Variants in INTS2 observed in about 807,000 individuals in gnomAD.
The protein encoded by INTS2 is KIAA1287.
INTS2 carries 57 observed loss-of-function variants against 139.6 expected under a neutral mutation model. The ratio of observed to expected loss-of-function variants is 0.41; its 90% CI spans 0.33 to 0.51. The LOEUF is 0.51. INTS2 is among the 20% of genes least tolerant of loss of function. The probability of loss-of-function intolerance (pLI) is 0.28; values close to 1 mark genes in which losing one functional copy is unlikely to be tolerated. For synonymous variants in INTS2, 473 were observed against 493.4 expected (o/e 0.96, Z 0.55); for missense variants, 1,196 against 1,436.7 (o/e 0.83, Z 2.71).
intron 5 of INTS2, among the ~76,000 whole-genome samples, chr17:61,913,378 T>TA: frequency 7.4e-6 from 1 of 136,018 alleles, no homozygotes; most frequent in East Asian, 2.1e-4. Flanking sequence ...CAGAAGAAAT[T>TA]AAAGAAAAAA....
chr17:61,914,481 C>T (rs192449660), intron 5 of INTS2, among the ~76,000 whole-genome samples: 2 of 152,212 alleles, frequency 1.3e-5, no homozygotes, highest in Admixed American at 6.5e-5. Flanking sequence ...GGGCGCATCA[C>T]GAGGTCAGGA....
chr17:61,921,127 T>C (rs2079636851), intron 4 of INTS2: 1 of 152,186 alleles, frequency 6.6e-6, no homozygotes, highest in Non-Finnish European at 1.5e-5. Flanking sequence ...ACACCTATTA[T>C]ATACAATCTG....
At position 61,893,774 on chromosome 17, in the gene INTS2, C is replaced by T. The variant is rs774539862; in HGVS notation, c.1689G>A (p.Val563=). 1.7e-5 allele frequency: 27 copies of T among 1,583,580 alleles called. No homozygotes were observed. The highest frequency in any genetic ancestry group is 1.5e-5 in the Non-Finnish European group (18 of 1,163,340). ...ATTTGTAGGGGCATACTTTTATTGA[C>T]ACTTTGTGCTTGGTAAAGGAACGGC... The part of the protein sequence containing the change: ...LRSRSFTKHK[V]SIKDWIYRQL... Residue 563 remains valine, a synonymous_variant, in exon 13 of 25, where the codon GTG becomes GTA. Coordinates refer to ENST00000251334, the MANE Select transcript of INTS2 (RefSeq NM_001351695.2). This position sits in a 1 kb window ranked among gnomAD's most constrained non-coding sequence, Gnocchi z 5.4.
chr17:61,927,587 A>G, intron 1 of INTS2, 67 bp downstream of exon 1: 1 of 1,189,096 alleles, frequency 8.4e-7, no homozygotes, highest in Admixed American at 3.8e-5. Context: ...CAGGCTGAGC[A>G]AAGTCTGGCC....
Position 61,866,789 on chromosome 17 carries a change from A to G in INTS2, c.*768T>C, listed in dbSNP as rs886741129. The G allele has an allele frequency of 1.3e-5, 2 of 152,224 alleles. No homozygotes were observed. The highest frequency in any genetic ancestry group is 4.8e-5 in the African/African-American group (2 of 41,458). 9.4% of individuals were successfully genotyped at this position (152,224 alleles called of 1,614,324 possible). A position where few individuals can be genotyped will look rare whatever the true frequency, so the allele number is the denominator to read the frequency against. On this transcript the variant is annotated 3_prime_UTR_variant, in exon 25 of 25. Transcript: ENST00000251334. ...AAATAAATTTAAAACATAAAACTAAATGAGATCTCTCAGGTTCTTCTTTGA... is the reference window on the plus strand; with the variant it reads ...AAATAAATTTAAAACATAAAACTAAGTGAGATCTCTCAGGTTCTTCTTTGA...
intron 9 of INTS2, 111 bp downstream of exon 9, chr17:61,904,349 G>C (rs2079438992): frequency 1.3e-6 from 1 of 746,864 alleles, no homozygotes; most frequent in African/African-American, 1.8e-5. Flanking sequence ...AACTACGACT[G>C]TCCATACCTA....
In INTS2 at chr17:61,893,639, G is replaced by T; in HGVS notation, c.1698+126C>A. On this transcript the variant is annotated intron_variant, in intron 13 of 24. Transcript: ENST00000251334. This position sits in a 1 kb window ranked among gnomAD's most constrained non-coding sequence, Gnocchi z 5.4. ...TAACCCAGGAGGCAGAGGTTACAGT[G>T]AGCCAAGACTGCACCACTGCACTCC... 1.8e-6 allele frequency: 1 copy of T among 570,068 alleles called. No homozygotes were observed. Among genetic ancestry groups the T allele is most frequent in the Non-Finnish European group, 2.6e-6 (1 of 384,314 alleles). 35.3% of individuals were successfully genotyped at this position (570,068 alleles called of 1,614,324 possible).
intron 3 of INTS2, among the ~76,000 whole-genome samples, chr17:61,924,223 T>A (rs2079683824): frequency 6.6e-6 from 1 of 152,218 alleles, no homozygotes; most frequent in Non-Finnish European, 1.5e-5. Context: ...ATGAATCACA[T>A]ACATTTTTCA....
At chr17:61,899,493 T>C (rs1234911181) in intron 9 of INTS2, among the ~76,000 whole-genome samples, 1 of 151,984 alleles carries the variant, frequency 6.6e-6, no homozygotes, top group Non-Finnish European at 1.5e-5. Flanking sequence ...CTTTAGGTGA[T>C]CCACCCACCT....
chr17:61,884,795 A>G (rs767113080), intron 16 of INTS2, 106 bp downstream of exon 16: 16 of 733,182 alleles, frequency 2.2e-5, no homozygotes, highest in Non-Finnish European at 3.7e-5. Flanking sequence ...TCACTCTTGA[A>G]CTGTTTGAAT....
chr17:61,899,093 A>C (rs971782721), intron 9 of INTS2, among the ~76,000 whole-genome samples: 1 of 152,224 alleles, frequency 6.6e-6, no homozygotes, highest in South Asian at 2.1e-4. Context: ...AAACCATATA[A>C]CAAATAATAA....
At chr17:61,880,685 G>A (rs369167868) in intron 17 of INTS2, among the ~76,000 whole-genome samples, 1 of 151,918 alleles carries the variant, frequency 6.6e-6, no homozygotes, top group African/African-American at 2.4e-5. Flanking sequence ...CCAGCAGGTG[G>A]AGGCTGCAGT....
In INTS2 at chr17:61,909,059, G is replaced by A. The variant is rs1036204734; in HGVS notation, c.955-1425C>T. Among the ~76,000 whole-genome samples the A allele has an allele frequency of 1.3e-5, 2 of 152,096 alleles. No homozygotes were observed. Among genetic ancestry groups the A allele is most frequent in the Non-Finnish European group, 2.9e-5 (2 of 68,026 alleles). On this transcript the variant is annotated intron_variant, in intron 7 of 24. Transcript: ENST00000251334. This position sits in a 1 kb window ranked among gnomAD's most constrained non-coding sequence, Gnocchi z 4.9. ...TTAAAAACTGTTGCAAAATACATAT[G>A]CATAAGCAGGTGAACGTATAAAATA...
In INTS2 at chr17:61,911,565, C is replaced by T. The variant is rs972704297; in HGVS notation, c.909G>A (p.Ala303=). Residue 303 remains alanine (A), a synonymous_variant, in exon 7 of 25, where the codon GCG becomes GCA. Transcript: ENST00000251334. ...AAGTTCCAAACCAAGTCCGGACTTT[C>T]GCATTTGTTCCAAGAAGCAAACCAC... ...FVSGLLLGTN[A]KVRTWFGTFI... 9.9e-6 allele frequency: 16 copies of T among 1,613,866 alleles called. No homozygotes were observed. Among genetic ancestry groups the T allele is most frequent in the African/African-American group, 4.0e-5 (3 of 74,926 alleles).
At chr17:61,925,867 A>C (rs2079706495) in intron 2 of INTS2, among the ~76,000 whole-genome samples, 1 of 151,734 alleles carries the variant, frequency 6.6e-6, no homozygotes, top group Non-Finnish European at 1.5e-5. Context: ...TCTACTAAAA[A>C]TACAAAAAAT....
At position 61,911,968 on chromosome 17, in the gene INTS2, G is replaced by C; in HGVS notation, c.752C>G (p.Ser251Cys). 6.2e-7 allele frequency: 1 copy of C among 1,613,222 alleles called. No individual in the cohort carries two copies. The highest frequency in any genetic ancestry group is 8.5e-7 in the Non-Finnish European group (1 of 1,179,350). Residue 251 changes from serine (S) to cysteine (C), a missense_variant, in exon 6 of 25, where the codon TCT becomes TGT. Coordinates refer to ENST00000251334, the MANE Select transcript of INTS2 (RefSeq NM_001351695.2). Reference sequence around the variant, plus strand: ...CATGCCTCGGACCTTGAGGGCCTGAGAAGGATTCATTTTACACAAGAAGCG... The same window carrying C: ...CATGCCTCGGACCTTGAGGGCCTGACAAGGATTCATTTTACACAAGAAGCG... ...ALRFLCKMNP[S>C]QALKVRGMVV...
In INTS2 at chr17:61,882,708, G is replaced by A. The variant is rs755978300; in HGVS notation, c.2090-1537C>T. Among the ~76,000 whole-genome samples, 17 of 152,158 alleles carry A rather than the reference G, an allele frequency of 1.1e-4. No individual in the cohort carries two copies. The highest frequency in any genetic ancestry group is 2.4e-4 in the Non-Finnish European group (16 of 68,030). ...CATGCCATTGCACTCCAGCCTGGGT[G>A]ACAGAGCAAGATGCTGTCTCAAAAA... On this transcript the variant is annotated intron_variant, in intron 16 of 24. Coordinates refer to ENST00000251334, the MANE Select transcript of INTS2 (RefSeq NM_001351695.2). The surrounding 1 kb of genome is among the most constrained non-coding windows in gnomAD (Gnocchi z 4.7).
chr17:61,907,478 C>T lies in INTS2; in HGVS notation c.1111G>A (p.Glu371Lys). ...GCACTGGCTTTCACAACATGCTCTT[C>T]TTTCAGCCCCGAATACACAGACACA... ...PNVSVYSGLK[E>K]EHVVKASALL... The change falls in exon 8 of 25, where the codon GAA becomes AAA. Residue 371 changes from glutamate (E) to lysine (K), a missense_variant. Glu to Lys is a moderately conservative substitution (Grantham distance 56, BLOSUM62 1). Transcript: ENST00000251334. 2 of 1,603,256 alleles carry T rather than the reference C, an allele frequency of 1.2e-6. No homozygotes were observed. The highest frequency in any genetic ancestry group is 1.7e-6 in the Non-Finnish European group (2 of 1,175,154).
intron 15 of INTS2, among the ~76,000 whole-genome samples, chr17:61,889,353 C>T (rs1028658146): frequency 1.3e-5 from 2 of 152,178 alleles, no homozygotes; most frequent in African/African-American, 4.8e-5. Flanking sequence ...TCCCGAAGTG[C>T]TAGGATTACA....
Sources: gnomAD v4.1 joint callset for allele counts (sites outside exome capture counted in the v4.1 genomes callset) on GRCh38, gnomAD v4.1.1 for gene constraint, Gnocchi (gnomAD v3.1) non-coding constraint, MANE v1.5 for transcripts, NCBI Gene and HGNC (gene_info 2026-07-23, HGNC 2026-07-21) for gene names.